Variants in FMN2 observed in about 807,000 individuals in gnomAD.
FMN2 encodes the protein formin 2.
Under a neutral mutation model 142.3 loss-of-function variants are expected in FMN2, and 51 were observed. The ratio of observed to expected loss-of-function variants is 0.36; its 90% CI spans 0.29 to 0.45. FMN2 has a LOEUF of 0.45. Ranked by LOEUF, FMN2 falls within the 20% of genes least tolerant of loss-of-function variation. The probability of loss-of-function intolerance (pLI) is 1.00; values close to 1 mark genes in which losing one functional copy is unlikely to be tolerated. For synonymous variants in FMN2, 882 were observed against 869.8 expected, an observed-to-expected ratio of 1.01 and a Z score of -0.25; for missense variants, 1,936 against 2,122.8, an observed-to-expected ratio of 0.91 and a Z score of 1.73.
At chr1:240,451,140 G>T (rs1676024694) in intron 16 of FMN2, among the ~76,000 whole-genome samples, 1 of 152,050 alleles carries the variant, frequency 6.6e-6, no homozygotes, top group Non-Finnish European at 1.5e-5. Context: ...GGCCGAGGCG[G>T]GTGGATCACG....
intron 2 of FMN2, among the ~76,000 whole-genome samples, chr1:240,159,909 A>ATATATATATATATATATATATTTG: frequency 1.3e-5 from 1 of 78,242 alleles, no homozygotes; most frequent in Non-Finnish European, 2.3e-5. Context: ...ATCTGTGTAT[A>ATATATATATATATATATATATTTG]TATATATATA....
chr1:240,117,678 A>G (rs940478684), intron 1 of FMN2, among the ~76,000 whole-genome samples: 2 of 152,242 alleles, frequency 1.3e-5, no homozygotes, highest in Non-Finnish European at 2.9e-5. Flanking sequence ...GTAAGAGCCT[A>G]AAAGTAGAAG....
intron 6 of FMN2, among the ~76,000 whole-genome samples, chr1:240,250,339 T>C (rs1668236269): frequency 6.6e-6 from 1 of 152,162 alleles, no homozygotes; most frequent in Non-Finnish European, 1.5e-5. Context: ...CTGTGTCCAT[T>C]GAGATGATCA....
intron 7 of FMN2, among the ~76,000 whole-genome samples, chr1:240,269,078 A>G (rs141048312): frequency 2.0e-5 from 3 of 151,950 alleles, no homozygotes; most frequent in East Asian, 1.9e-4. Flanking sequence ...TCTATTTTCT[A>G]CTTTCATTGC....
At chr1:240,148,666 C>T (rs1181717414) in intron 2 of FMN2, among the ~76,000 whole-genome samples, 1 of 152,078 alleles carries the variant, frequency 6.6e-6, no homozygotes, top group Non-Finnish European at 1.5e-5. Context: ...TGTTCATACC[C>T]AGGTATGTTG....
At chr1:240,432,006 T>C (rs1028077690) in intron 15 of FMN2, among the ~76,000 whole-genome samples, 2 of 151,882 alleles carry the variant, frequency 1.3e-5, no homozygotes, top group African/African-American at 4.8e-5. Flanking sequence ...AGTTGGGAAG[T>C]ATACCCTCTT....
chr1:240,219,847 C>A (rs1472448020), intron 6 of FMN2, among the ~76,000 whole-genome samples: 1 of 151,806 alleles, frequency 6.6e-6, no homozygotes, highest in Non-Finnish European at 1.5e-5. Context: ...TTTGTAGGGA[C>A]GGGGAGTCGC....
chr1:240,286,373 T>G (rs1424297859), intron 7 of FMN2, among the ~76,000 whole-genome samples: 2 of 152,194 alleles, frequency 1.3e-5, no homozygotes, highest in Non-Finnish European at 1.5e-5. Flanking sequence ...TGGGAAGGAC[T>G]TTTTCAGAAT....
chr1:240,152,826 T>A (rs1663844019), intron 2 of FMN2, among the ~76,000 whole-genome samples: 1 of 152,194 alleles, frequency 6.6e-6, no homozygotes. Flanking sequence ...AGTCACCACC[T>A]CCTTCTCCCT....
chr1:240,142,302 A>G (rs1376297351), intron 2 of FMN2, among the ~76,000 whole-genome samples: 1 of 152,152 alleles, frequency 6.6e-6, no homozygotes, highest in African/African-American at 2.4e-5. Flanking sequence ...TGCAAAGCCA[A>G]AATATAACTG....
intron 2 of FMN2, among the ~76,000 whole-genome samples, chr1:240,177,195 G>A (rs1230960843): frequency 2.0e-5 from 3 of 152,102 alleles, no homozygotes; most frequent in African/African-American, 7.2e-5. Flanking sequence ...AAATCCTAAT[G>A]AGCAGTTTTC....
intron 2 of FMN2, among the ~76,000 whole-genome samples, chr1:240,129,791 C>T (rs1662661206): frequency 6.6e-6 from 1 of 152,102 alleles, no homozygotes; most frequent in Non-Finnish European, 1.5e-5. Flanking sequence ...CATGAGCCAT[C>T]ACGCCCAGCC....
chr1:240,198,304 C>G, intron 4 of FMN2, among the ~76,000 whole-genome samples: 1 of 152,094 alleles, frequency 6.6e-6, no homozygotes, highest in East Asian at 1.9e-4. Flanking sequence ...TTATTGCTTC[C>G]ACTGTGTTTG....
rs1345060166 is a variant in FMN2, at chr1:240,100,787, G to T, written c.1615+7063G>T. ...GAACCCACTGGAAGCTTTATTATCT[G>T]TTACCCTAGAGCTGCAATGGACTGA... On this transcript the variant is annotated intron_variant, in intron 1 of 17. Coordinates refer to ENST00000319653, the MANE Select transcript of FMN2 (RefSeq NM_020066.5). Among the ~76,000 whole-genome samples the T allele has an allele frequency of 2.6e-5, 4 of 152,160 alleles. No individual in the cohort carries two copies. In the East Asian group the frequency reaches 7.7e-4, roughly 29 times the overall value.
intron 13 of FMN2, among the ~76,000 whole-genome samples, chr1:240,338,547 A>G (rs1671639998): frequency 6.6e-6 from 1 of 152,154 alleles, no homozygotes; most frequent in Non-Finnish European, 1.5e-5. Context: ...CATATGTTTT[A>G]TGCTGGGCAC....
intron 14 of FMN2, among the ~76,000 whole-genome samples, chr1:240,383,328 C>T (rs1480903376): frequency 6.6e-6 from 1 of 152,050 alleles, no homozygotes; most frequent in African/African-American, 2.4e-5. Flanking sequence ...AAACAGACAA[C>T]CTATAGAATG....
At chr1:240,355,950 GC>G (rs1672251815) in intron 14 of FMN2, 42 bp downstream of exon 14, 1 of 86,176 alleles carries the variant, frequency 1.2e-5, no homozygotes, top group African/African-American at 1.8e-4. Context: ...TCCCCTTTCA[GC>G]AAAAAAAAAA....
At chr1:240,362,922 TTTC>T (rs1672541455) in intron 14 of FMN2, among the ~76,000 whole-genome samples, 1 of 152,200 alleles carries the variant, frequency 6.6e-6, no homozygotes, top group South Asian at 2.1e-4. Context: ...TTCCCAAACA[TTTC>T]TTCTTTAAGC....
In FMN2 at chr1:240,143,598, T is replaced by A. The variant is rs878987282; in HGVS notation, c.1782+20253T>A. ...CAGAGCCTGCCTATGCACACACATC[T>A]ACCAGTGTGTTGGCAAAACTGCGGA... On this transcript the variant is annotated intron_variant, in intron 2 of 17. Transcript: ENST00000319653. 3.1e-6 allele frequency: 5 copies of A among 1,608,454 alleles called. No homozygotes were observed. In the African/African-American group the frequency reaches 4.0e-5, roughly 13 times the overall value.
Sources: allele counts gnomAD v4.1 joint callset (sites outside exome capture counted in the v4.1 genomes callset), GRCh38; gene constraint gnomAD v4.1.1; transcripts MANE v1.5; gene names NCBI Gene and HGNC (gene_info 2026-07-23, HGNC 2026-07-21).